The following TARS3 variants were observed in gnomAD, a reference collection of about 807,000 sequenced individuals.
The protein encoded by TARS3 is threonine--tRNA ligase 2, cytoplasmic.
Under a neutral mutation model 103.5 loss-of-function variants are expected in TARS3, and 94 were observed. That is an observed-to-expected ratio of 0.91 (90% CI 0.77 to 1.08). TARS3 has a LOEUF of 1.08. Among genes scored for constraint, TARS3 ranks in the 50% least tolerant of loss-of-function variants. The pLI, the probability that TARS3 is intolerant of heterozygous loss-of-function variation, is 0.00. For missense variants in TARS3, 952 were observed against 995.2 expected, an observed-to-expected ratio of 0.96 and a Z score of 0.58; for synonymous variants, 416 against 355.4, an observed-to-expected ratio of 1.17 and a Z score of -1.92.
At chr15:101,664,580 G>A (rs144143667) in intron 15 of TARS3, 1 of 152,302 alleles carries the variant, frequency 6.6e-6, no homozygotes, top group African/African-American at 2.4e-5. Context: ...ACACCGAACC[G>A]CAGCCCACAA....
At chr15:101,689,105 G>A (rs1326865801) in intron 10 of TARS3, among the ~76,000 whole-genome samples, 2 of 152,146 alleles carry the variant, frequency 1.3e-5, no homozygotes, top group East Asian at 1.9e-4. Flanking sequence ...CTTTACTATA[G>A]AACTGATAGA....
intron 10 of TARS3, among the ~76,000 whole-genome samples, chr15:101,692,951 C>T (rs1330088795): frequency 3.3e-5 from 5 of 152,022 alleles, no homozygotes; most frequent in Admixed American, 3.3e-4. Flanking sequence ...GCAAAAATTC[C>T]CCAAGTGGGT....
Position 101,702,420 on chromosome 15 carries a change from T to C in TARS3, c.1075-35A>G, listed in dbSNP as rs138297653. The C allele has an allele frequency of 3.7e-5, 58 of 1,568,272 alleles. No homozygotes were observed. In the African/African-American group the frequency reaches 7.2e-4, roughly 19 times the overall value. On this transcript the variant is annotated intron_variant, in intron 8 of 18. Transcript: ENST00000335968. ...AAAGAGGATTTTGGTAAATATATCATACATTCAGTTGTAAGTAAAACTGCT... is the reference window on the plus strand; with the variant it reads ...AAAGAGGATTTTGGTAAATATATCACACATTCAGTTGTAAGTAAAACTGCT...
rs148794326 is a variant in TARS3, at chr15:101,685,212, C to T, written c.1487+684G>A. On this transcript the variant is annotated intron_variant, in intron 11 of 18. Coordinates refer to ENST00000335968, the MANE Select transcript of TARS3 (RefSeq NM_152334.3). The stretch of plus-strand genomic sequence containing the variant: ...ATGTATGTTGATAATACAAAAACTA[C>T]AATTGTTGGGATTGTTTTTTGTGGA... Among the ~76,000 whole-genome samples the T allele has an allele frequency of 2.9e-3, 437 of 152,210 alleles. 2 individuals are homozygous for T. Among genetic ancestry groups the T allele is most frequent in the African/African-American group, 9.9e-3 (412 of 41,536 alleles).
At chr15:101,688,178 A>G (rs2141410990) in intron 10 of TARS3, among the ~76,000 whole-genome samples, 1 of 152,306 alleles carries the variant, frequency 6.6e-6, no homozygotes, top group East Asian at 1.9e-4. Flanking sequence ...ACACACACAT[A>G]TAAATAACAG....
intron 10 of TARS3, among the ~76,000 whole-genome samples, chr15:101,698,281 T>C (rs1221713161): frequency 2.0e-5 from 3 of 151,836 alleles, no homozygotes; most frequent in Non-Finnish European, 4.4e-5. Flanking sequence ...TGCAGTGAGC[T>C]GAGATCACGC....
intron 6 of TARS3, 53 bp downstream of exon 6, chr15:101,708,740 T>A: frequency 8.5e-7 from 1 of 1,176,710 alleles, no homozygotes; most frequent in Non-Finnish European, 1.3e-6. Context: ...GAAGCTAGTC[T>A]ATATTGATTT....
chr15:101,685,343 T>C (rs539472678), intron 11 of TARS3, among the ~76,000 whole-genome samples: 1 of 152,310 alleles, frequency 6.6e-6, no homozygotes, highest in African/African-American at 2.4e-5. Flanking sequence ...AAAGACAGCA[T>C]TGATTGTAAA....
At chr15:101,686,107 C>G in intron 10 of TARS3, 45 bp from the exon 11 acceptor site, 1 of 1,498,420 alleles carries the variant, frequency 6.7e-7, no homozygotes, top group Non-Finnish European at 9.1e-7. Context: ...TAGGGCAGAT[C>G]ACAATTCCAT....
chr15:101,707,191 G>A (rs1030694343), intron 6 of TARS3, among the ~76,000 whole-genome samples: 1 of 152,124 alleles, frequency 6.6e-6, no homozygotes, highest in African/African-American at 2.4e-5. Flanking sequence ...CAAAACAAGT[G>A]TTGGCAAGGA....
chr15:101,661,475 A>G (rs1455310570), intron 16 of TARS3, among the ~76,000 whole-genome samples: 1 of 151,650 alleles, frequency 6.6e-6, no homozygotes, highest in East Asian at 1.9e-4. Context: ...GTACAGTTTT[A>G]TGCCACTCTC....
intron 5 of TARS3, among the ~76,000 whole-genome samples, chr15:101,711,189 G>T (rs1310038277): frequency 1.3e-5 from 2 of 152,146 alleles, no homozygotes; most frequent in African/African-American, 2.4e-5. Context: ...CCATGCTCTA[G>T]CAAGTCCAAG....
chr15:101,686,150 T>C (rs2141408745), intron 10 of TARS3, 88 bp from the exon 11 acceptor site: 1 of 1,244,976 alleles, frequency 8.0e-7, no homozygotes, highest in Non-Finnish European at 1.1e-6. Context: ...TATTTTCAAA[T>C]TGGGCTCATG....
intron 3 of TARS3, among the ~76,000 whole-genome samples, chr15:101,716,302 G>C (rs561874700): frequency 6.6e-6 from 1 of 151,988 alleles, no homozygotes; most frequent in South Asian, 2.1e-4. Flanking sequence ...TTTATTGTTT[G>C]AAAATTGTTG....
chr15:101,699,067 G>A (rs538191542), intron 10 of TARS3, among the ~76,000 whole-genome samples: 1 of 152,238 alleles, frequency 6.6e-6, no homozygotes, highest in African/African-American at 2.4e-5. Context: ...TGCTCCAGTG[G>A]GAGATATCAT....
intron 3 of TARS3, among the ~76,000 whole-genome samples, chr15:101,720,478 A>AT (rs572867333): frequency 4.7e-4 from 72 of 152,216 alleles, no homozygotes; most frequent in Non-Finnish European, 8.5e-4. Context: ...AAATTACTTG[A>AT]TTGACGAATA....
intron 15 of TARS3, chr15:101,664,514 G>A (rs1344164346): frequency 6.6e-6 from 1 of 152,178 alleles, no homozygotes; most frequent in African/African-American, 2.4e-5. Flanking sequence ...GCCACTGGGT[G>A]GCGAACACAT....
intron 5 of TARS3, 104 bp from the exon 6 acceptor site, chr15:101,709,014 T>C (rs777774979): frequency 8.5e-5 from 63 of 740,846 alleles, no homozygotes; most frequent in Middle Eastern, 2.5e-4. Context: ...ATCTGCTGTC[T>C]TATTGTTCCA....
In TARS3 at chr15:101,669,123, T is replaced by C. The variant is rs142596059; in HGVS notation, c.1967+2363A>G. 3.7e-3 allele frequency among the ~76,000 whole-genome samples: 561 copies of C among 152,226 alleles called. 1 individual carries two copies. Among genetic ancestry groups the C allele is most frequent in the African/African-American group, 0.013 (544 of 41,540 alleles). ...TGGAACCTTCCACTGGGACAAGATA[T>C]GGAGGTGGAAGACAGTGATATCGAT... On this transcript the variant is annotated intron_variant, in intron 15 of 18. Transcript: ENST00000335968.
Sources: allele counts gnomAD v4.1 joint callset (sites outside exome capture counted in the v4.1 genomes callset), GRCh38; gene constraint gnomAD v4.1.1; transcripts MANE v1.5; gene names NCBI Gene and HGNC (gene_info 2026-07-23, HGNC 2026-07-21).